Variants in MTM1 observed in about 807,000 individuals in gnomAD.
MTM1 encodes the protein myotubularin.
MTM1 carries 9 observed loss-of-function variants against 52.1 expected under a neutral mutation model. That is an observed-to-expected ratio of 0.17 (90% CI 0.10 to 0.30). The LOEUF is 0.30. Ranked by LOEUF, MTM1 falls within the 10% of genes least tolerant of loss-of-function variation. The pLI, the probability that MTM1 is intolerant of heterozygous loss-of-function variation, is 1.00. For synonymous variants in MTM1, 136 were observed against 163.8 expected, an observed-to-expected ratio of 0.83 and a Z score of 1.29; for missense variants, 277 against 470.7, an observed-to-expected ratio of 0.59 and a Z score of 3.81.
intron 9 of MTM1, among the ~76,000 whole-genome samples, chrX:150,647,108 TTAAATC>T (rs1254717620): frequency 9.2e-6 from 1 of 108,226 alleles, no homozygotes; most frequent in African/African-American, 3.4e-5. Flanking sequence ...ACTCAGGAAA[TTAAATC>T]TAACTCTAAA....
intron 1 of MTM1, among the ~76,000 whole-genome samples, chrX:150,589,750 CTT>C (rs781783631): frequency 5.9e-4 from 54 of 91,791 alleles, no homozygotes; most frequent in African/African-American, 7.5e-4. Flanking sequence ...TCATTATTGT[CTT>C]TTTTTTTTTT....
chrX:150,618,895 A>G (rs1465897024), intron 5 of MTM1, 143 bp from the exon 6 acceptor site: 6 of 518,397 alleles, frequency 1.2e-5, no homozygotes, highest in African/African-American at 9.3e-5. Flanking sequence ...ATTACCATAT[A>G]AAACAAAGCA....
At chrX:150,579,448 C>T (rs1337845793) in intron 1 of MTM1, among the ~76,000 whole-genome samples, 8 of 111,722 alleles carry the variant, frequency 7.2e-5, no homozygotes, top group Non-Finnish European at 1.5e-4. Flanking sequence ...GTATTTTGTT[C>T]AGTGTTTCCC....
chrX:150,668,196 G>A (rs1436101141), intron 14 of MTM1, among the ~76,000 whole-genome samples: 1 of 112,759 alleles, frequency 8.9e-6, no homozygotes, highest in Admixed American at 9.3e-5. Context: ...CCTCCAGAGG[G>A]TGTATGGCCC....
At chrX:150,624,373 G>T (rs1405810192) in intron 6 of MTM1, among the ~76,000 whole-genome samples, 5 of 112,072 alleles carry the variant, frequency 4.5e-5, no homozygotes, top group African/African-American at 1.6e-4. Flanking sequence ...TTTAATAAAT[G>T]TCAGTGTTTC....
At chrX:150,657,785 T>C in intron 10 of MTM1, 36 bp from the exon 11 acceptor site, 1 of 1,159,400 alleles carries the variant, frequency 8.6e-7, no homozygotes, top group South Asian at 1.8e-5. Flanking sequence ...CAGTATCTTA[T>C]AACTCCCTAC....
chrX:150,567,624 G>C (rs2038280254), upstream of MTM1, among the ~76,000 whole-genome samples: 1 of 111,579 alleles, frequency 9.0e-6, no homozygotes, highest in East Asian at 2.8e-4. Flanking sequence ...TGCCATCTCA[G>C]CTCACTGCAA....
At chrX:150,623,381 C>T (rs1235301706) in intron 6 of MTM1, among the ~76,000 whole-genome samples, 10 of 110,159 alleles carry the variant, frequency 9.1e-5, no homozygotes, top group African/African-American at 1.3e-4. Context: ...GCCTGGCATA[C>T]GTTTTTGTTT....
chrX:150,597,469 C>T (rs2038996590), intron 3 of MTM1, among the ~76,000 whole-genome samples: 2 of 111,868 alleles, frequency 1.8e-5, no homozygotes, highest in South Asian at 7.4e-4. Flanking sequence ...TACTTTTGAT[C>T]GTCTTCATAT....
At chrX:150,644,750 C>T (rs140133571) in intron 8 of MTM1, among the ~76,000 whole-genome samples, 64 of 110,967 alleles carry the variant, frequency 5.8e-4, no homozygotes, top group Non-Finnish European at 1.1e-3. Flanking sequence ...ACCGAGCAAC[C>T]CTATGAGATT....
chrX:150,618,332 GT>G (rs1557413183), intron 5 of MTM1, among the ~76,000 whole-genome samples: 1 of 111,737 alleles, frequency 8.9e-6, no homozygotes, highest in African/African-American at 3.3e-5. Context: ...TAGAAAAGTT[GT>G]TTGAATAAAA....
chrX:150,595,545 T>C (rs1189661628), intron 2 of MTM1, among the ~76,000 whole-genome samples: 1 of 112,413 alleles, frequency 8.9e-6, no homozygotes, highest in Non-Finnish European at 1.9e-5. Context: ...ACTTCACTTA[T>C]GAAATGATTG....
At chrX:150,569,266 A>G (rs1194184817) in intron 1 of MTM1, among the ~76,000 whole-genome samples, 1 of 113,606 alleles carries the variant, frequency 8.8e-6, no homozygotes, top group Non-Finnish European at 1.9e-5. Context: ...CCTGATACGC[A>G]GTCGGAAGTA....
At chrX:150,661,974 T>C (rs2040228835) in intron 13 of MTM1, among the ~76,000 whole-genome samples, 1 of 112,358 alleles carries the variant, frequency 8.9e-6, no homozygotes, top group African/African-American at 3.2e-5. Flanking sequence ...GTTAATTAGC[T>C]TGATTGAGGT....
chrX:150,583,880 AAT>A (rs1156676659), intron 1 of MTM1, among the ~76,000 whole-genome samples: 532 of 38,524 alleles, frequency 0.014, 67 homozygotes, highest in South Asian at 0.041. Context: ...ATATATATTA[AAT>A]ATATATATAT....
At chrX:150,568,193 TAA>T (rs2038288573), upstream of MTM1, among the ~76,000 whole-genome samples, 2 of 112,655 alleles carry the variant, frequency 1.8e-5, no homozygotes, top group Admixed American at 9.3e-5. Context: ...TGGCATCCGC[TAA>T]AGTCTTGTAT....
chrX:150,635,256 G>A (rs2039736196), intron 6 of MTM1, among the ~76,000 whole-genome samples: 1 of 112,310 alleles, frequency 8.9e-6, no homozygotes, highest in South Asian at 3.7e-4. Flanking sequence ...GTACTTGGAC[G>A]TGTTCATTGA....
intron 6 of MTM1, among the ~76,000 whole-genome samples, chrX:150,635,911 T>C (rs1270203732): frequency 6.3e-5 from 7 of 111,999 alleles, no homozygotes; most frequent in Admixed American, 1.9e-4. Context: ...GGTGAAAATA[T>C]TGGTTTAAGC....
intron 1 of MTM1, among the ~76,000 whole-genome samples, chrX:150,577,332 G>T (rs1557411683): frequency 8.9e-6 from 1 of 112,151 alleles, no homozygotes; most frequent in African/African-American, 3.2e-5. Context: ...ACTTAGGTGT[G>T]GCATTGCTGG....
Sources: allele counts gnomAD v4.1 joint callset (sites outside exome capture counted in the v4.1 genomes callset), GRCh38; gene constraint gnomAD v4.1.1; transcripts MANE v1.5; gene names NCBI Gene and HGNC (gene_info 2026-07-23, HGNC 2026-07-21).